SLFN12L: variants seen among roughly 807,000 people sequenced by gnomAD.
SLFN12L encodes schlafen family member 12 like.
A neutral mutation model predicts 34.8 loss-of-function variants in SLFN12L; 34 were observed. The ratio of observed to expected loss-of-function variants is 0.98; its 90% confidence interval spans 0.74 to 1.30. SLFN12L has a LOEUF of 1.30. Ranked by LOEUF, SLFN12L falls within the 50% of genes most tolerant of loss-of-function variation. The pLI is 0.00. For missense variants in SLFN12L, 703 were observed against 696.2 expected (o/e 1.01, Z -0.11); for synonymous variants, 259 against 247.5 (o/e 1.05, Z -0.44).
intron 2 of SLFN12L, among the ~76,000 whole-genome samples, chr17:35,521,515 A>G (rs1401875798): frequency 2.0e-5 from 3 of 152,178 alleles, no homozygotes; most frequent in Non-Finnish European, 4.4e-5. Flanking sequence ...TCTTTAATAG[A>G]GTAAGTCCCA....
rs997143174 is a variant in SLFN12L at position 35,469,349 on chromosome 17, ATATG to A, written c.*5570_*5573del. 5.5e-5 allele frequency among the ~76,000 whole-genome samples: 8 copies of A among 145,720 alleles called. No individual in the cohort carries two copies. Among genetic ancestry groups the A allele is most frequent in the Non-Finnish European group, 1.2e-4 (8 of 66,850 alleles). ...ATAAATATATATATAATATATATAT[ATATG>A]TATTTCAAACTTTTAACCCACTTTA... is the stretch of plus-strand genomic sequence containing the variant. On this transcript the variant is annotated 3_prime_UTR_variant, in exon 5 of 5. Coordinates refer to ENST00000628453, the MANE Select transcript of SLFN12L (RefSeq NM_001363830.2).
chr17:35,527,743 A>G (rs1042179422), intron 1 of SLFN12L, among the ~76,000 whole-genome samples: 4 of 152,220 alleles, frequency 2.6e-5, no homozygotes, highest in African/African-American at 7.2e-5. Flanking sequence ...CACAGCCAGT[A>G]TCATACTGAA....
chr17:35,521,612 C>A (rs371919374), intron 2 of SLFN12L, among the ~76,000 whole-genome samples: 2 of 152,164 alleles, frequency 1.3e-5, no homozygotes, highest in East Asian at 1.9e-4. Flanking sequence ...ACAATTCCAG[C>A]AATTGGGGAG....
intron 2 of SLFN12L, among the ~76,000 whole-genome samples, chr17:35,492,907 A>T (rs1417861161): frequency 1.3e-5 from 2 of 152,174 alleles, no homozygotes; most frequent in Non-Finnish European, 2.9e-5. Context: ...TGGTAGGCAC[A>T]TAGTAGGCAC....
chr17:35,513,039 G>A (rs1170262868), intron 2 of SLFN12L, among the ~76,000 whole-genome samples: 2 of 152,030 alleles, frequency 1.3e-5, no homozygotes, highest in Non-Finnish European at 2.9e-5. Flanking sequence ...AGTGCAAAAG[G>A]TTTCTTCACT....
At chr17:35,515,939 G>A (rs908016104) in intron 2 of SLFN12L, among the ~76,000 whole-genome samples, 11 of 151,980 alleles carry the variant, frequency 7.2e-5, no homozygotes, top group East Asian at 1.9e-4. Context: ...ACCGCACCCC[G>A]CCAGTGTTTC....
Position 35,473,129 on chromosome 17 carries a change from C to T in SLFN12L, c.*1794G>A, listed in dbSNP as rs548812419. On this transcript the variant is annotated 3_prime_UTR_variant, in exon 5 of 5. Transcript: ENST00000628453. ...CAATTTGACTTCCTCTCTTCCTATT[C>T]GAATACCTTTATTTCTTTCTCTTGC... is the stretch of plus-strand genomic sequence containing the variant. 9.2e-5 allele frequency among the ~76,000 whole-genome samples: 14 copies of T among 152,208 alleles called. No homozygotes were observed. Among genetic ancestry groups the T allele is most frequent in the African/African-American group, 3.4e-4 (14 of 41,556 alleles).
At chr17:35,528,266 C>T (rs2072357610) in intron 1 of SLFN12L, among the ~76,000 whole-genome samples, 1 of 152,144 alleles carries the variant, frequency 6.6e-6, no homozygotes, top group Non-Finnish European at 1.5e-5. Context: ...GTGAAAATGG[C>T]CATACTGCCC....
At chr17:35,482,259 G>A (rs907144943) in intron 2 of SLFN12L, among the ~76,000 whole-genome samples, 3 of 152,222 alleles carry the variant, frequency 2.0e-5, no homozygotes, top group Non-Finnish European at 4.4e-5. Context: ...CACCCAACAT[G>A]ATGGGCGTTT....
In SLFN12L at chr17:35,522,843, G is replaced by C; in HGVS notation, c.-479C>G. On this transcript the variant is annotated 5_prime_UTR_variant, in exon 2 of 5. Coordinates refer to ENST00000628453, the MANE Select transcript of SLFN12L (RefSeq NM_001363830.2). ...ATTCAGGTCCACAGCCTAGCTTCTA[G>C]AGAGGATCACAATTCCCCAGGAGAA... is the stretch of plus-strand genomic sequence containing the variant. The C allele has an allele frequency of 1.7e-6, 2 of 1,166,570 alleles. No individual in the cohort carries two copies. The highest frequency in any genetic ancestry group is 2.6e-5 in the South Asian group (2 of 76,450). The allele number at this position is 1,166,570 out of a possible 1,614,324, so 72.3% of individuals were successfully genotyped here.
At chr17:35,485,487 T>C (rs1339199735) in intron 2 of SLFN12L, among the ~76,000 whole-genome samples, 15 of 152,254 alleles carry the variant, frequency 9.9e-5, no homozygotes. Flanking sequence ...CTGTTTACTC[T>C]GTTGAGACTT....
chr17:35,496,499 C>A (rs1436559169), intron 2 of SLFN12L, among the ~76,000 whole-genome samples: 1 of 151,744 alleles, frequency 6.6e-6, no homozygotes, highest in Non-Finnish European at 1.5e-5. Flanking sequence ...TTCCTTCTTC[C>A]GACTTCCCCC....
chr17:35,503,438 C>G (rs75840900), intron 2 of SLFN12L, among the ~76,000 whole-genome samples: 1 of 152,156 alleles, frequency 6.6e-6, no homozygotes, highest in South Asian at 2.1e-4. Context: ...AATATGCCTA[C>G]AAAGTTTTAT....
chr17:35,474,177 T>C lies in SLFN12L; in HGVS notation c.*746A>G, dbSNP rs577817967. 5.3e-5 allele frequency: 8 copies of C among 152,350 alleles called. No homozygotes were observed. In the South Asian group the frequency reaches 1.0e-3, roughly 20 times the overall value. The allele number at this position is 152,350 out of a possible 1,614,324, so 9.4% of individuals were successfully genotyped here. A position where few individuals can be genotyped will look rare whatever the true frequency, so the allele number is the denominator to read the frequency against. Reference sequence around the variant, plus strand: ...CAAGTGATCCATCCAACTCGGCAAGTTCTCCATTTTGATTCATCTCTTCAT... The same window carrying C: ...CAAGTGATCCATCCAACTCGGCAAGCTCTCCATTTTGATTCATCTCTTCAT... On this transcript the variant is annotated 3_prime_UTR_variant, in exon 5 of 5. Coordinates refer to ENST00000628453, the MANE Select transcript of SLFN12L (RefSeq NM_001363830.2).
At chr17:35,487,442 G>GC (rs1421693605) in intron 2 of SLFN12L, among the ~76,000 whole-genome samples, 2 of 151,984 alleles carry the variant, frequency 1.3e-5, no homozygotes, top group Non-Finnish European at 2.9e-5. Context: ...CTCTGGCAGC[G>GC]CCCCACCTCG....
intron 1 of SLFN12L, 64 bp from the exon 2 acceptor site, chr17:35,523,033 T>C (rs566168470): frequency 2.6e-6 from 1 of 380,776 alleles, no homozygotes; most frequent in South Asian, 7.5e-5. Context: ...TGACAATTAG[T>C]TATAATTAAC....
At chr17:35,500,908 G>A (rs1196860670) in intron 2 of SLFN12L, among the ~76,000 whole-genome samples, 3 of 152,108 alleles carry the variant, frequency 2.0e-5, no homozygotes, top group Admixed American at 6.5e-5. Context: ...ACCCTTTCAC[G>A]CAGACTCCCT....
chr17:35,478,840 A>G (rs1382505770), intron 3 of SLFN12L, among the ~76,000 whole-genome samples: 1 of 152,232 alleles, frequency 6.6e-6, no homozygotes, highest in East Asian at 1.9e-4. Context: ...AGAATTGAAC[A>G]GGCTTTCCTT....
At chr17:35,488,602 A>G (rs1005228923) in intron 2 of SLFN12L, among the ~76,000 whole-genome samples, 4 of 152,128 alleles carry the variant, frequency 2.6e-5, no homozygotes, top group Non-Finnish European at 4.4e-5. Context: ...ACTTTTTGAA[A>G]TGCACACAGG....
Sources: gnomAD v4.1 joint callset for allele counts (sites outside exome capture counted in the v4.1 genomes callset) on GRCh38, gnomAD v4.1.1 for gene constraint, MANE v1.5 for transcripts, NCBI Gene and HGNC (gene_info 2026-07-23, HGNC 2026-07-21) for gene names.